NELL1: variants seen among roughly 807,000 people sequenced by gnomAD.
NELL1 encodes the protein protein kinase C-binding protein NELL1.
Under a neutral mutation model 107.4 loss-of-function variants are expected in NELL1, and 76 were observed. The observed-to-expected ratio is 0.71, with a 90% CI of 0.59 to 0.86. The LOEUF is 0.86. Ranked by LOEUF, NELL1 falls within the 40% of genes least tolerant of loss-of-function variation. The probability of loss-of-function intolerance (pLI) is 0.00; values close to 1 mark genes in which losing one functional copy is unlikely to be tolerated. For missense variants in NELL1, 1,024 were observed against 1,005.5 expected, an observed-to-expected ratio of 1.02 and a Z score of -0.25; for synonymous variants, 353 against 341.2, an observed-to-expected ratio of 1.03 and a Z score of -0.38.
intron 12 of NELL1, among the ~76,000 whole-genome samples, chr11:21,106,624 A>AAG (rs145465327): frequency 1.4e-4 from 21 of 152,004 alleles, no homozygotes; most frequent in Non-Finnish European, 2.9e-4. Context: ...GAGGAAAAGA[A>AAG]AGAGAGAGAG....
In NELL1 at chr11:21,523,783, T is replaced by C. The variant is rs139544063; in HGVS notation, c.1646-10591T>C. Among the ~76,000 whole-genome samples, 206 of 152,276 alleles carry C rather than the reference T, an allele frequency of 1.4e-3. 1 individual carries two copies. The highest frequency in any genetic ancestry group is 2.2e-3 in the Admixed American group (34 of 15,282). On this transcript the variant is annotated intron_variant, in intron 15 of 19. Transcript: ENST00000357134. ...ATGGCCTGGACCTCTCTCAAGGTAG[T>C]AAACTAGGATACTTGTAGCACTCTT...
intron 12 of NELL1, among the ~76,000 whole-genome samples, chr11:21,081,404 C>T (rs991347784): frequency 3.9e-5 from 6 of 152,014 alleles, no homozygotes; most frequent in Non-Finnish European, 5.9e-5. Context: ...CCCCTATAAA[C>T]GAAGGTGATC....
intron 4 of NELL1, among the ~76,000 whole-genome samples, chr11:20,856,840 A>T (rs1014624568): frequency 6.6e-6 from 1 of 152,182 alleles, no homozygotes; most frequent in Non-Finnish European, 1.5e-5. Flanking sequence ...TCTAGAGATG[A>T]TTGATACATT....
intron 14 of NELL1, among the ~76,000 whole-genome samples, chr11:21,235,043 A>G (rs1590758884): frequency 6.6e-6 from 1 of 152,206 alleles, no homozygotes. Context: ...AAGCAAGTGG[A>G]ATAGGAAGCC....
At position 21,090,187 on chromosome 11, in the gene NELL1, C is replaced by T. The variant is rs555950519; in HGVS notation, c.1301-23402C>T. ...GGTCAAAGAATGGGTGTTAAATGGC[C>T]CAGAAACATTGGTCTCAGCTGGGTT... On this transcript the variant is annotated intron_variant, in intron 12 of 19. Transcript: ENST00000357134. Among the ~76,000 whole-genome samples the T allele has an allele frequency of 2.0e-5, 3 of 152,108 alleles. No individual in the cohort carries two copies. The South Asian group carries it at 6.2e-4, about 32-fold the overall frequency.
chr11:21,406,287 A>C (rs932738041), intron 15 of NELL1, among the ~76,000 whole-genome samples: 5 of 151,892 alleles, frequency 3.3e-5, no homozygotes, highest in Non-Finnish European at 5.9e-5. Flanking sequence ...GGCTTGTTGA[A>C]AGTTCTGTAC....
rs1194861800 is a variant in NELL1, at chr11:21,113,730, C to A, written c.1426+16C>A. The A allele has an allele frequency of 8.1e-6, 13 of 1,607,656 alleles. No homozygotes were observed. Among genetic ancestry groups the A allele is most frequent in the Middle Eastern group, 1.7e-4 (1 of 6,048 alleles). ...TCTTGTACAGGTGAGCTTTAAGAAG[C>A]AGTGTTGTTTTTTTAATTCATCCAT... On this transcript the variant is annotated intron_variant, in intron 13 of 19. Coordinates refer to ENST00000357134, the MANE Select transcript of NELL1 (RefSeq NM_006157.5).
chr11:20,925,494 T>C (rs1850476560), intron 7 of NELL1, among the ~76,000 whole-genome samples: 1 of 145,788 alleles, frequency 6.9e-6, no homozygotes, highest in Admixed American at 7.0e-5. Flanking sequence ...CCATGTTGGC[T>C]GGGTTGGTCT....
chr11:20,992,709 A>AT (rs56048576), intron 12 of NELL1, among the ~76,000 whole-genome samples: 6,725 of 114,330 alleles, frequency 0.059, 311 homozygotes, highest in Middle Eastern at 0.083. Context: ...CAAAAGTGGC[A>AT]TTTTTTTTTT....
At chr11:21,421,698 C>G (rs554413013) in intron 15 of NELL1, among the ~76,000 whole-genome samples, 4 of 151,682 alleles carry the variant, frequency 2.6e-5, no homozygotes, top group Non-Finnish European at 5.9e-5. Flanking sequence ...CACAAGCAGA[C>G]GAGAGAGAAA....
chr11:20,698,981 C>T (rs1197320219), intron 2 of NELL1, among the ~76,000 whole-genome samples: 1 of 152,052 alleles, frequency 6.6e-6, no homozygotes, highest in African/African-American at 2.4e-5. Flanking sequence ...CTTTGGGAGG[C>T]CGAGGTGGGC....
intron 14 of NELL1, among the ~76,000 whole-genome samples, chr11:21,240,818 C>G (rs1473126602): frequency 6.6e-6 from 1 of 151,694 alleles, no homozygotes; most frequent in Non-Finnish European, 1.5e-5. Context: ...CTTTCCATCA[C>G]TTTCCAAAGT....
At chr11:21,144,309 G>A (rs181155845) in intron 13 of NELL1, among the ~76,000 whole-genome samples, 2 of 152,198 alleles carry the variant, frequency 1.3e-5, no homozygotes, top group African/African-American at 2.4e-5. Context: ...GTAAACCACT[G>A]TTTTTCTTAC....
chr11:21,165,223 T>C (rs929039723), intron 13 of NELL1, among the ~76,000 whole-genome samples: 3 of 152,322 alleles, frequency 2.0e-5, no homozygotes, highest in African/African-American at 7.2e-5. Context: ...TTTTCTGTTC[T>C]TCCTTAGAAA....
At chr11:21,003,646 C>T (rs1434439951) in intron 12 of NELL1, among the ~76,000 whole-genome samples, 3 of 152,072 alleles carry the variant, frequency 2.0e-5, no homozygotes, top group African/African-American at 7.2e-5. Flanking sequence ...ACCTATGGAC[C>T]TGTGTCAGGG....
At chr11:21,488,258 T>G (rs1233733662) in intron 15 of NELL1, among the ~76,000 whole-genome samples, 2 of 151,968 alleles carry the variant, frequency 1.3e-5, no homozygotes, top group African/African-American at 4.8e-5. Flanking sequence ...TTCTCCAGGA[T>G]AGACCGTATG....
intron 2 of NELL1, among the ~76,000 whole-genome samples, chr11:20,706,140 G>T (rs2680990): frequency 2.8e-4 from 42 of 151,960 alleles, no homozygotes; most frequent in Non-Finnish European, 4.3e-4. Flanking sequence ...TAGAAATACC[G>T]TTTGACCCAG....
chr11:21,293,935 T>A (rs1466572147), intron 14 of NELL1, among the ~76,000 whole-genome samples: 1 of 151,528 alleles, frequency 6.6e-6, no homozygotes, highest in African/African-American at 2.4e-5. Flanking sequence ...TCTTGGAGAG[T>A]GGGGGACTAG....
chr11:21,298,031 C>T (rs1446066285), intron 14 of NELL1, among the ~76,000 whole-genome samples: 1 of 151,836 alleles, frequency 6.6e-6, no homozygotes, highest in Admixed American at 6.6e-5. Flanking sequence ...TTATTTTGTA[C>T]CCTATAATTA....
Sources: allele counts gnomAD v4.1 joint callset (sites outside exome capture counted in the v4.1 genomes callset), GRCh38; gene constraint gnomAD v4.1.1; transcripts MANE v1.5; gene names NCBI Gene and HGNC (gene_info 2026-07-23, HGNC 2026-07-21).